The following PPP2R2A variants were observed in gnomAD, a reference collection of about 807,000 sequenced individuals.
PPP2R2A encodes the protein serine/threonine-protein phosphatase 2A 55 kDa regulatory subunit B alpha isoform.
In PPP2R2A, 9 loss-of-function variants were observed where a neutral mutation model predicts 53.2. The observed-to-expected ratio is 0.17, with a 90% CI of 0.10 to 0.30. The LOEUF (loss-of-function observed/expected upper bound fraction) is 0.30, where lower values mean the gene tolerates loss of function less well. Ranked by LOEUF, PPP2R2A falls within the 10% of genes least tolerant of loss-of-function variation. The probability of loss-of-function intolerance (pLI) is 1.00; values close to 1 mark genes in which losing one functional copy is unlikely to be tolerated. For missense variants in PPP2R2A, 235 were observed against 534.6 expected, an observed-to-expected ratio of 0.44 and a Z score of 5.53; for synonymous variants, 169 against 174.2, an observed-to-expected ratio of 0.97 and a Z score of 0.23.
chr8:26,301,701 A>G (rs186563405), intron 2 of PPP2R2A, among the ~76,000 whole-genome samples: 2 of 152,262 alleles, frequency 1.3e-5, no homozygotes, highest in Non-Finnish European at 2.9e-5. Flanking sequence ...ATCAAAATTG[A>G]TATCATTTAG....
intron 2 of PPP2R2A, among the ~76,000 whole-genome samples, chr8:26,311,941 G>A (rs1486838519): frequency 3.3e-5 from 5 of 152,152 alleles, no homozygotes; most frequent in African/African-American, 1.2e-4. Flanking sequence ...TGAAGGGATG[G>A]TGTCAGGCAC....
chr8:26,337,665 C>G (rs1047469298), intron 2 of PPP2R2A, among the ~76,000 whole-genome samples: 7 of 152,174 alleles, frequency 4.6e-5, no homozygotes, highest in Non-Finnish European at 7.3e-5. Context: ...ACTCAGGTAA[C>G]CACCGTGGTG....
At chr8:26,344,199 T>C (rs1463558095) in intron 3 of PPP2R2A, among the ~76,000 whole-genome samples, 1 of 152,206 alleles carries the variant, frequency 6.6e-6, no homozygotes, top group African/African-American at 2.4e-5. Flanking sequence ...AAATCTTACT[T>C]AATCATCACA....
chr8:26,343,916 A>AT (rs1487552569), intron 3 of PPP2R2A, among the ~76,000 whole-genome samples: 1 of 152,058 alleles, frequency 6.6e-6, no homozygotes, highest in Non-Finnish European at 1.5e-5. Context: ...AAATGTGTAC[A>AT]TTTTCCCCCC....
At chr8:26,359,980 CTT>C (rs778275400) in intron 4 of PPP2R2A, among the ~76,000 whole-genome samples, 187 bp from the exon 5 acceptor site, 5 of 151,316 alleles carry the variant, frequency 3.3e-5, no homozygotes, top group Non-Finnish European at 7.4e-5. Context: ...TGCCACCAAT[CTT>C]TGCACTTTAT....
intron 8 of PPP2R2A, chr8:26,365,807 A>G (rs1037105826): frequency 4.6e-5 from 7 of 152,252 alleles, no homozygotes; most frequent in African/African-American, 1.2e-4. Flanking sequence ...TAACCATATA[A>G]TTTATCACCA....
At chr8:26,356,217 G>A (rs1057076102) in intron 4 of PPP2R2A, among the ~76,000 whole-genome samples, 2 of 152,200 alleles carry the variant, frequency 1.3e-5, no homozygotes, top group African/African-American at 4.8e-5. Flanking sequence ...AGGATGAAAT[G>A]GGGGAAGAAA....
At chr8:26,305,770 G>GAGT (rs1801989576) in intron 2 of PPP2R2A, among the ~76,000 whole-genome samples, 1 of 152,170 alleles carries the variant, frequency 6.6e-6, no homozygotes, top group South Asian at 2.1e-4. Context: ...ACTAGAGTCT[G>GAGT]AGTAGTAAAT....
chr8:26,314,754 T>C (rs556693107), intron 2 of PPP2R2A, among the ~76,000 whole-genome samples: 14 of 152,292 alleles, frequency 9.2e-5, no homozygotes, highest in African/African-American at 3.4e-4. Flanking sequence ...TTTCATTAAT[T>C]GGACTCGTAC....
intron 3 of PPP2R2A, among the ~76,000 whole-genome samples, chr8:26,345,576 C>T (rs1040767098): frequency 5.3e-5 from 8 of 152,064 alleles, no homozygotes; most frequent in Non-Finnish European, 8.8e-5. Context: ...TTTTCTGTAT[C>T]ACCATCTCTG....
intron 3 of PPP2R2A, among the ~76,000 whole-genome samples, chr8:26,345,370 T>G (rs1804158687): frequency 1.3e-5 from 2 of 152,206 alleles, no homozygotes; most frequent in South Asian, 4.1e-4. Flanking sequence ...TAATTATAAA[T>G]TCATTATGCT....
chr8:26,310,598 A>G (rs549113666), intron 2 of PPP2R2A, among the ~76,000 whole-genome samples: 1 of 151,562 alleles, frequency 6.6e-6, no homozygotes, highest in South Asian at 2.1e-4. Context: ...TCCTTGTGAG[A>G]ATCTTATTGC....
chr8:26,343,854 T>TA (rs1178481564), intron 3 of PPP2R2A, among the ~76,000 whole-genome samples: 1 of 152,224 alleles, frequency 6.6e-6, no homozygotes, highest in African/African-American at 2.4e-5. Flanking sequence ...GTTTGTTACC[T>TA]ATGCCCATAA....
At chr8:26,322,549 A>G (rs1426510111) in intron 2 of PPP2R2A, among the ~76,000 whole-genome samples, 2 of 152,106 alleles carry the variant, frequency 1.3e-5, no homozygotes, top group Non-Finnish European at 2.9e-5. Flanking sequence ...ATGGCTTTTT[A>G]TAGGTGTGCA....
At chr8:26,292,417 C>G in intron 1 of PPP2R2A, 1 of 985,440 alleles carries the variant, frequency 1.0e-6, no homozygotes, top group Non-Finnish European at 1.2e-6. Flanking sequence ...TCCCTTTTAC[C>G]GCCGAAGAGT....
chr8:26,351,452 G>C (rs1011692682), intron 3 of PPP2R2A, among the ~76,000 whole-genome samples: 5 of 152,206 alleles, frequency 3.3e-5, no homozygotes, highest in Admixed American at 2.6e-4. Flanking sequence ...TAGGTGTTCA[G>C]TGTGTGCCTA....
intron 3 of PPP2R2A, among the ~76,000 whole-genome samples, chr8:26,343,645 CAA>C (rs1045672729): frequency 5.9e-5 from 9 of 152,074 alleles, no homozygotes; most frequent in Admixed American, 1.3e-4. Context: ...CTTGGCCTCC[CAA>C]AGTGTTGAGC....
intron 1 of PPP2R2A, among the ~76,000 whole-genome samples, chr8:26,292,918 A>G (rs1330116943): frequency 6.6e-6 from 1 of 152,252 alleles, no homozygotes; most frequent in Non-Finnish European, 1.5e-5. Flanking sequence ...GAAAAAGTTA[A>G]CATGTCGGAT....
chr8:26,315,612 G>T (rs1802512767), intron 2 of PPP2R2A, among the ~76,000 whole-genome samples: 1 of 152,172 alleles, frequency 6.6e-6, no homozygotes. Flanking sequence ...ACCAATAGCT[G>T]TTTTGAGTCT....
Sources: allele counts gnomAD v4.1 joint callset (sites outside exome capture counted in the v4.1 genomes callset), GRCh38; gene constraint gnomAD v4.1.1; transcripts MANE v1.5; gene names NCBI Gene and HGNC (gene_info 2026-07-23, HGNC 2026-07-21).